Variants in ZNF175 observed in about 807,000 individuals in gnomAD.
The protein encoded by ZNF175 is zinc finger protein 175, also known as zinc finger protein OTK18.
A neutral mutation model predicts 14.0 loss-of-function variants in ZNF175; 8 were observed. That is an observed-to-expected ratio of 0.57 (90% CI 0.34 to 1.03). ZNF175 has a LOEUF of 1.03. Ranked by LOEUF, ZNF175 falls within the 50% of genes least tolerant of loss-of-function variation. The probability of loss-of-function intolerance (pLI) is 0.03; values close to 1 mark genes in which losing one functional copy is unlikely to be tolerated. For synonymous variants in ZNF175, 255 were observed against 296.8 expected, an observed-to-expected ratio of 0.86 and a Z score of 1.45; for missense variants, 764 against 849.5, an observed-to-expected ratio of 0.90 and a Z score of 1.25.
In ZNF175 at chr19:51,587,429, T is replaced by C. The variant is rs773803898; in HGVS notation, c.1098T>C (p.His366=). The change falls in exon 5 of 5, where the codon CAT becomes CAC. Residue 366 remains histidine, a synonymous_variant. Coordinates refer to ENST00000262259, the MANE Select transcript of ZNF175 (RefSeq NM_007147.4). ...THTRKKPYKC[H]DCGKAFFQML... ...CTAGAAAGAAGCCCTATAAATGCCA[T>C]GACTGTGGAAAAGCCTTTTTCCAGA... The C allele has an allele frequency of 2.5e-6, 4 of 1,614,202 alleles. No homozygotes were observed. Among genetic ancestry groups the C allele is most frequent in the Admixed American group, 1.7e-5 (1 of 60,016 alleles).
intron 2 of ZNF175, among the ~76,000 whole-genome samples, chr19:51,576,140 GTT>G (rs1317986267): frequency 7.4e-6 from 1 of 135,326 alleles, no homozygotes. Context: ...TTCAGGGACA[GTT>G]TTTTTTTTTG....
At chr19:51,585,673 T>C (rs1262413348) in intron 4 of ZNF175, among the ~76,000 whole-genome samples, 1 of 152,198 alleles carries the variant, frequency 6.6e-6, no homozygotes, top group East Asian at 1.9e-4. Context: ...TAGTAACTAT[T>C]ATTTTTATTG....
Position 51,588,788 on chromosome 19 carries a change from T to TA in ZNF175, c.*322dup. ...TAAAGAATGGTACAAGACAGGTTGT[T>TA]ACTCGATTATTTATAGTAAAATATG... On this transcript the variant is annotated 3_prime_UTR_variant, in exon 5 of 5. Transcript: ENST00000262259. 1 of 405,434 alleles carries TA rather than the reference T, an allele frequency of 2.5e-6. No homozygotes were observed. Among genetic ancestry groups the TA allele is most frequent in the East Asian group, 3.6e-5 (1 of 28,150 alleles). 25.1% of individuals were successfully genotyped at this position (405,434 alleles called of 1,614,324 possible). A position where few individuals can be genotyped will look rare whatever the true frequency, so the allele number is the denominator to read the frequency against.
At chr19:51,583,206 C>T (rs1387082878) in intron 4 of ZNF175, among the ~76,000 whole-genome samples, 1 of 152,140 alleles carries the variant, frequency 6.6e-6, no homozygotes, top group Non-Finnish European at 1.5e-5. Context: ...CCATTCTGAA[C>T]TCTTAGTCCT....
intron 2 of ZNF175, among the ~76,000 whole-genome samples, chr19:51,579,167 C>T (rs577145579): frequency 4.7e-5 from 7 of 148,452 alleles, no homozygotes; most frequent in South Asian, 2.2e-4. Flanking sequence ...GCAGGAGAAT[C>T]GCTTGAACCC....
At chr19:51,585,770 CA>C (rs568957637) in intron 4 of ZNF175, among the ~76,000 whole-genome samples, 24 of 152,008 alleles carry the variant, frequency 1.6e-4, no homozygotes, top group Admixed American at 4.6e-4. Flanking sequence ...CAAAACAAAA[CA>C]AAAAACTAAA....
chr19:51,584,424 A>G (rs1479973475), intron 4 of ZNF175, among the ~76,000 whole-genome samples: 5 of 152,172 alleles, frequency 3.3e-5, no homozygotes, highest in Non-Finnish European at 2.9e-5. Flanking sequence ...GCTGTGTTGG[A>G]GAGTTGTGGA....
chr19:51,573,915 T>G (rs553285279), intron 2 of ZNF175: 2 of 159,178 alleles, frequency 1.3e-5, no homozygotes, highest in South Asian at 4.1e-4. Flanking sequence ...CACTTTTTCC[T>G]GTTTAAAAAG....
chr19:51,578,329 G>T (rs1001845960), intron 2 of ZNF175, among the ~76,000 whole-genome samples: 5 of 152,064 alleles, frequency 3.3e-5, no homozygotes, highest in African/African-American at 1.2e-4. Context: ...GAACCCGGGA[G>T]GTGGAGGTTG....
intron 2 of ZNF175, among the ~76,000 whole-genome samples, chr19:51,577,825 A>T (rs563524643): frequency 6.6e-6 from 1 of 151,404 alleles, no homozygotes; most frequent in Non-Finnish European, 1.5e-5. Flanking sequence ...CACCACACCA[A>T]GCTAATTTTT....
At chr19:51,571,938 T>C (rs1600076784) in intron 1 of ZNF175, among the ~76,000 whole-genome samples, 2 of 152,120 alleles carry the variant, frequency 1.3e-5, no homozygotes, top group South Asian at 4.2e-4. Flanking sequence ...ACTGGAGGCG[T>C]AGGGGGTCAA....
chr19:51,574,969 C>T (rs1437059248), intron 2 of ZNF175, among the ~76,000 whole-genome samples: 1 of 152,090 alleles, frequency 6.6e-6, no homozygotes, highest in African/African-American at 2.4e-5. Context: ...TGCACATTAT[C>T]TTCTCTTTGT....
chr19:51,577,904 C>G (rs1352555146), intron 2 of ZNF175, among the ~76,000 whole-genome samples: 2 of 151,170 alleles, frequency 1.3e-5, no homozygotes, highest in Non-Finnish European at 2.9e-5. Flanking sequence ...ACCTCGTGAT[C>G]CGCCCGCCTT....
Position 51,589,955 on chromosome 19 carries a change from A to G in ZNF175, c.*1488A>G, listed in dbSNP as rs1323386543. 1.6e-5 allele frequency: 4 copies of G among 242,936 alleles called. No homozygotes were observed. In the East Asian group the frequency reaches 2.4e-4, roughly 15 times the overall value. The allele number at this position is 242,936 out of a possible 1,614,324, so 15.0% of individuals were successfully genotyped here. Reference sequence around the variant, plus strand: ...TGTGTAAGTACTCTTTCATTGATTTATAAAACTCAGATCTCTTACGTGTGT... The same window carrying G: ...TGTGTAAGTACTCTTTCATTGATTTGTAAAACTCAGATCTCTTACGTGTGT... On this transcript the variant is annotated 3_prime_UTR_variant, in exon 5 of 5. Transcript: ENST00000262259.
Position 51,581,777 on chromosome 19 carries a change from T to C in ZNF175, c.200-10T>C. 6.2e-7 allele frequency: 1 copy of C among 1,613,234 alleles called. No homozygotes were observed. The highest frequency in any genetic ancestry group is 1.1e-5 in the South Asian group (1 of 90,978). ...CTACACCCAAATCCAGTATCCTTTC[T>C]AATTAACAGGGTATCACATTCCCAA... On this transcript the variant is annotated splice_polypyrimidine_tract_variant and intron_variant, in intron 3 of 4. Transcript: ENST00000262259.
chr19:51,575,238 A>T, intron 2 of ZNF175, among the ~76,000 whole-genome samples: 2 of 105,362 alleles, frequency 1.9e-5, no homozygotes, highest in African/African-American at 3.8e-5. Flanking sequence ...TTTTTTTGAG[A>T]CGGAGTCTCG....
rs1982273386 is a variant in ZNF175 at position 51,589,155 on chromosome 19, T to A, written c.*688T>A. 1 of 200,144 alleles carries A rather than the reference T, an allele frequency of 5.0e-6. No individual in the cohort carries two copies. The allele number at this position is 200,144 out of a possible 1,614,324, so 12.4% of individuals were successfully genotyped here. ...AGTTCAAAAAGTTTCAGATTTTGGG[T>A]TTTCAGATTAGGAATACCCAACCTG... On this transcript the variant is annotated 3_prime_UTR_variant, in exon 5 of 5. Coordinates refer to ENST00000262259, the MANE Select transcript of ZNF175 (RefSeq NM_007147.4).
At chr19:51,573,578 G>T in intron 2 of ZNF175, 177 bp downstream of exon 2, 2 of 606,406 alleles carry the variant, frequency 3.3e-6, no homozygotes, top group Non-Finnish European at 5.7e-6. Context: ...CCATGAACTG[G>T]CTGATAAAAG....
chr19:51,572,599 C>G (rs1356836540), intron 1 of ZNF175, among the ~76,000 whole-genome samples: 1 of 152,106 alleles, frequency 6.6e-6, no homozygotes, highest in African/African-American at 2.4e-5. Context: ...TGGAAGCTGG[C>G]CACGTATGGG....
Sources: allele counts gnomAD v4.1 joint callset (sites outside exome capture counted in the v4.1 genomes callset), GRCh38; gene constraint gnomAD v4.1.1; transcripts MANE v1.5; gene names NCBI Gene and HGNC (gene_info 2026-07-23, HGNC 2026-07-21).